CDKN2B-AS1: variants seen among roughly 807,000 people sequenced by gnomAD.
CDKN2B-AS1 encodes CDKN2B and CDKN2A antisense cis and trans regulatory RNA 1.
At chr9:22,071,334 C>T (rs1269755026) in intron 4 of CDKN2B-AS1, among the ~76,000 whole-genome samples, 3 of 113,992 alleles carry the variant, frequency 2.6e-5, no homozygotes, top group African/African-American at 1.1e-4. Context: ...GAGTCTTGCT[C>T]TGTTGACCAG....
chr9:22,004,323 T>G lies in CDKN2B-AS1; in HGVS notation n.29+9162T>G, dbSNP rs41306083. The G allele has an allele frequency of 3.8e-3, 884 of 231,982 alleles. 4 individuals are homozygous for G. The highest frequency in any genetic ancestry group is 9.6e-3 in the Admixed American group (171 of 17,780). 14.4% of individuals were successfully genotyped at this position (231,982 alleles called of 1,614,324 possible). On this transcript the variant is annotated intron_variant and non_coding_transcript_variant, in intron 1 of 4. Coordinates refer to ENST00000650946, the Ensembl canonical transcript of CDKN2B-AS1. ...CTCTCAAATGACTTGTTTCTGTTCC[T>G]TTTTTCTCTTTTAAATGTGTATCTG... is the stretch of plus-strand genomic sequence containing the variant.
At chr9:22,125,682 T>C (rs573103846) in intron 4 of CDKN2B-AS1, among the ~76,000 whole-genome samples, 40 of 152,380 alleles carry the variant, frequency 2.6e-4, no homozygotes, top group Non-Finnish European at 4.9e-4. Flanking sequence ...TCAGCAATTA[T>C]GAGCCCTTTG....
intron 3 of CDKN2B-AS1, among the ~76,000 whole-genome samples, chr9:22,051,954 A>G (rs1215006986): frequency 1.3e-5 from 2 of 152,172 alleles, no homozygotes; most frequent in Non-Finnish European, 2.9e-5. Flanking sequence ...AACCCTTGAC[A>G]TTTCACTAGC....
intron 3 of CDKN2B-AS1, among the ~76,000 whole-genome samples, chr9:22,055,121 A>T (rs1221510144): frequency 1.3e-5 from 2 of 152,200 alleles, no homozygotes; most frequent in Non-Finnish European, 2.9e-5. Context: ...TTTATTTTTT[A>T]AAAATTTATT....
intron 1 of CDKN2B-AS1, among the ~76,000 whole-genome samples, chr9:22,015,218 T>A (rs1295537199): frequency 2.0e-5 from 3 of 152,190 alleles, no homozygotes; most frequent in Admixed American, 1.3e-4. Flanking sequence ...TAGTTTACAG[T>A]CCCACCAACA....
At chr9:22,090,267 C>G (rs148610407) in intron 4 of CDKN2B-AS1, among the ~76,000 whole-genome samples, 12,412 of 152,030 alleles carry the variant, frequency 0.082, 1,306 homozygotes, top group African/African-American at 0.25. Context: ...TTGCTATTGT[C>G]AATAGTGCCA....
At chr9:22,038,827 T>G (rs1587441076) in intron 1 of CDKN2B-AS1, among the ~76,000 whole-genome samples, 2 of 152,156 alleles carry the variant, frequency 1.3e-5, no homozygotes, top group East Asian at 3.9e-4. Context: ...TCAATTATTT[T>G]TAAAGTTAAA....
intron 4 of CDKN2B-AS1, among the ~76,000 whole-genome samples, chr9:22,070,742 C>G (rs1482361726): frequency 6.6e-6 from 1 of 152,132 alleles, no homozygotes; most frequent in Non-Finnish European, 1.5e-5. Flanking sequence ...ATGCCTGCCT[C>G]TGGTGCACAG....
intron 4 of CDKN2B-AS1, among the ~76,000 whole-genome samples, chr9:22,082,810 A>G (rs749273657): frequency 1.3e-5 from 2 of 152,190 alleles, no homozygotes; most frequent in East Asian, 1.9e-4. Context: ...TGGGCAGGGG[A>G]TAAACCAAAT....
chr9:22,073,229 C>T (rs1204193645), intron 4 of CDKN2B-AS1, among the ~76,000 whole-genome samples: 1 of 152,090 alleles, frequency 6.6e-6, no homozygotes, highest in Non-Finnish European at 1.5e-5. Context: ...AAATAGATGG[C>T]TATTGTCAAT....
At chr9:22,008,934 C>T (rs150973276) in intron 1 of CDKN2B-AS1, 45 of 1,612,856 alleles carry the variant, frequency 2.8e-5, no homozygotes, top group African/African-American at 8.0e-5. Context: ...ACTGGGCATG[C>T]CCTTGTTCTC....
At chr9:22,003,385 A>T (rs1310249938) in intron 1 of CDKN2B-AS1, 3 of 225,202 alleles carry the variant, frequency 1.3e-5, no homozygotes, top group Admixed American at 5.7e-5. Context: ...ATTAGGAAAG[A>T]TTCCACAAGT....
chr9:22,067,525 A>T (rs1824101298), intron 4 of CDKN2B-AS1, among the ~76,000 whole-genome samples: 1 of 151,742 alleles, frequency 6.6e-6, no homozygotes, highest in African/African-American at 2.4e-5. Context: ...AAATAAAAAG[A>T]ACACACACAC....
intron 1 of CDKN2B-AS1, among the ~76,000 whole-genome samples, chr9:22,024,745 A>G (rs1822161932): frequency 1.3e-5 from 2 of 152,156 alleles, no homozygotes; most frequent in South Asian, 4.1e-4. Context: ...GTGCCTGCAA[A>G]GTGATGTGGG....
chr9:22,012,251 A>C (rs1029741065), intron 1 of CDKN2B-AS1: 7 of 1,429,118 alleles, frequency 4.9e-6, no homozygotes, highest in Non-Finnish European at 6.9e-6. Flanking sequence ...AATTCAAGAC[A>C]AGGAGGGTAT....
rs185296277 is a variant in CDKN2B-AS1, at chr9:22,067,762, T to A, written n.438+11375T>A. 5.3e-5 allele frequency among the ~76,000 whole-genome samples: 8 copies of A among 152,326 alleles called. No individual in the cohort carries two copies. In the East Asian group the frequency reaches 1.3e-3, roughly 26 times the overall value. On this transcript the variant is annotated intron_variant and non_coding_transcript_variant, in intron 4 of 4. Transcript: ENST00000650946. ...TGTAGAAGCAAAGAGCCTAAAGTGTTTTCATAAATCTTAAGTGGTAGCTTT... is the reference window on the plus strand; with the variant it reads ...TGTAGAAGCAAAGAGCCTAAAGTGTATTCATAAATCTTAAGTGGTAGCTTT...
chr9:22,045,351 G>A (rs551564221), intron 1 of CDKN2B-AS1, among the ~76,000 whole-genome samples: 18 of 152,014 alleles, frequency 1.2e-4, no homozygotes, highest in Non-Finnish European at 2.2e-4. Context: ...CTGAGACTTA[G>A]AGAGGTTTAT....
chr9:22,119,725 A>G (rs1438448727), intron 4 of CDKN2B-AS1: 1 of 152,202 alleles, frequency 6.6e-6, no homozygotes, highest in Admixed American at 6.5e-5. Context: ...AGCTTTCATG[A>G]TGAGTGCCAG....
At chr9:22,080,471 G>A (rs1429293704) in intron 4 of CDKN2B-AS1, among the ~76,000 whole-genome samples, 1 of 152,204 alleles carries the variant, frequency 6.6e-6, no homozygotes, top group African/African-American at 2.4e-5. Flanking sequence ...CACTGTGGAG[G>A]GGCAGCGGGG....
Sources: allele counts gnomAD v4.1 joint callset (sites outside exome capture counted in the v4.1 genomes callset), GRCh38; gene constraint gnomAD v4.1.1; transcripts MANE v1.5; gene names NCBI Gene and HGNC (gene_info 2026-07-23, HGNC 2026-07-21).